GDNF: variants seen among roughly 807,000 people sequenced by gnomAD.
GDNF encodes the protein glial cell derived neurotrophic factor.
In GDNF, 5 loss-of-function variants were observed where a neutral mutation model predicts 13.7. The ratio of observed to expected loss-of-function variants is 0.36; its 90% CI spans 0.19 to 0.77. The LOEUF (loss-of-function observed/expected upper bound fraction) is 0.77. Among genes scored for constraint, GDNF ranks in the 30% least tolerant of loss-of-function variants. The pLI, the probability that GDNF is intolerant of heterozygous loss-of-function variation, is 0.51. For synonymous variants in GDNF, 122 were observed against 112.5 expected, an observed-to-expected ratio of 1.08 and a Z score of -0.53; for missense variants, 246 against 274.3, an observed-to-expected ratio of 0.90 and a Z score of 0.73.
rs554019074 is a variant in GDNF, at chr5:37,837,464, G to T, written c.-27+2043C>A. 2.8e-4 allele frequency among the ~76,000 whole-genome samples: 43 copies of T among 152,078 alleles called. No individual in the cohort carries two copies. Among genetic ancestry groups the T allele is most frequent in the African/African-American group, 1.0e-3 (43 of 41,430 alleles). ...CAGGCCGTGGGCGCCGGCACCTGTGGGTCCCCAGGCCTGGGGAGGCAAGGA... is the reference window on the plus strand; with the variant it reads ...CAGGCCGTGGGCGCCGGCACCTGTGTGTCCCCAGGCCTGGGGAGGCAAGGA... On this transcript the variant is annotated intron_variant, in intron 1 of 2. Transcript: ENST00000326524. The surrounding 1 kb of genome is among the most constrained non-coding windows in gnomAD (Gnocchi z 6.5).
At chr5:37,823,485 A>G (rs1035236439) in intron 2 of GDNF, 1 of 152,210 alleles carries the variant, frequency 6.6e-6, no homozygotes, top group Non-Finnish European at 1.5e-5. Flanking sequence ...TTGTCTCCCA[A>G]AAAGGAAAAG....
chr5:37,821,946 C>G (rs999524348), intron 2 of GDNF, among the ~76,000 whole-genome samples: 1 of 152,198 alleles, frequency 6.6e-6, no homozygotes, highest in Non-Finnish European at 1.5e-5. Flanking sequence ...TGTCTTAAAA[C>G]AGTACAGGTT....
chr5:37,817,480 C>T (rs1749974837), intron 2 of GDNF, among the ~76,000 whole-genome samples: 2 of 152,090 alleles, frequency 1.3e-5, no homozygotes, highest in Non-Finnish European at 2.9e-5. Context: ...AGAAAGATTA[C>T]ATTATGTCTA....
Position 37,813,082 on chromosome 5 carries a change from G to T in GDNF, c.*2569C>A, listed in dbSNP as rs1749780725. On this transcript the variant is annotated 3_prime_UTR_variant, in exon 3 of 3. Transcript: ENST00000326524. ...TTCTCTGAATGGGACAGATGCCCCT[G>T]GGGCCACATCCAAATTGTGCTCCAC... The T allele has an allele frequency of 6.6e-6, 1 of 152,180 alleles. No individual in the cohort carries two copies. Among genetic ancestry groups the T allele is most frequent in the African/African-American group, 2.4e-5 (1 of 41,434 alleles). 9.4% of individuals were successfully genotyped at this position (152,180 alleles called of 1,614,324 possible).
chr5:37,834,555 G>T, intron 2 of GDNF, 91 bp downstream of exon 2: 1 of 1,183,588 alleles, frequency 8.4e-7, no homozygotes, highest in South Asian at 1.7e-5. Context: ...ACAGCCATCA[G>T]GCTGGCTTGG....
chr5:37,816,611 G>T (rs1342308524), intron 2 of GDNF, among the ~76,000 whole-genome samples: 1 of 152,174 alleles, frequency 6.6e-6, no homozygotes, highest in African/African-American at 2.4e-5. Context: ...AGGGACCAAG[G>T]AATCTGCATT....
At chr5:37,820,669 T>C (rs564841132) in intron 2 of GDNF, among the ~76,000 whole-genome samples, 51 of 152,322 alleles carry the variant, frequency 3.3e-4, no homozygotes, top group Middle Eastern at 3.4e-3. Context: ...GAGGAGGCTA[T>C]GCATGTGTAG....
At position 37,834,753 on chromosome 5, in the gene GDNF, T is replaced by A; in HGVS notation, c.44A>T (p.His15Leu). The A allele has an allele frequency of 6.2e-7, 1 of 1,612,478 alleles. No homozygotes were observed. The highest frequency in any genetic ancestry group is 8.5e-7 in the Non-Finnish European group (1 of 1,179,494). ...GGGCAGCGGGAAGGCGGACGCGGTG[T>A]GGAGCAGCACCAGGCAGACAGCCAC... ...DVVAVCLVLL[H>L]TASAFPLPAG... is the part of the protein sequence containing the mutation. Residue 15 changes from histidine (H) to leucine (L), a missense_variant, in exon 2 of 3, where the codon CAC becomes CTC. His to Leu is a moderately conservative substitution (Grantham distance 99). Transcript: ENST00000326524.
chr5:37,835,354 G>T, intron 1 of GDNF: 2 of 935,348 alleles, frequency 2.1e-6, no homozygotes, highest in Non-Finnish European at 1.5e-6. Flanking sequence ...TCCCAACCGG[G>T]CTTCTGGCTA....
At chr5:37,835,734 T>A in intron 1 of GDNF, 1 of 1,283,366 alleles carries the variant, frequency 7.8e-7, no homozygotes, top group Non-Finnish European at 1.1e-6. Context: ...CTTTGAGAGA[T>A]TCTGGCCCTA....
In GDNF at chr5:37,815,884, C is replaced by G; in HGVS notation, c.403G>C (p.Glu135Gln). ...CTAAAAATCAGTTCCTCCTTGGTTT[C>G]ATAGCCCAGACCCAAGTCAGTGACA... ...LNVTDLGLGY[E>Q]TKEELIFRYC... Residue 135 changes from glutamate to glutamine, a missense_variant, in exon 3 of 3, where the codon GAA becomes CAA. Coordinates refer to ENST00000326524, the MANE Select transcript of GDNF (RefSeq NM_000514.4). This position sits in a 1 kb window ranked among gnomAD's most constrained non-coding sequence, Gnocchi z 5.0. The G allele has an allele frequency of 2.5e-6, 4 of 1,614,184 alleles. No individual in the cohort carries two copies. The highest frequency in any genetic ancestry group is 3.4e-6 in the Non-Finnish European group (4 of 1,180,038).
At chr5:37,825,917 G>T (rs1750298365) in intron 2 of GDNF, among the ~76,000 whole-genome samples, 1 of 152,212 alleles carries the variant, frequency 6.6e-6, no homozygotes, top group Non-Finnish European at 1.5e-5. Context: ...CCCAGTGAGT[G>T]AATTTACGGG....
chr5:37,830,957 C>A (rs1750504649), intron 2 of GDNF, among the ~76,000 whole-genome samples: 1 of 152,190 alleles, frequency 6.6e-6, no homozygotes, highest in Non-Finnish European at 1.5e-5. Flanking sequence ...ATGTGCCCCC[C>A]AGGGCAGAGA....
Position 37,815,507 on chromosome 5 carries a change from C to G in GDNF, c.*144G>C. The G allele has an allele frequency of 2.7e-6, 2 of 753,014 alleles. No homozygotes were observed. The highest frequency in any genetic ancestry group is 2.3e-6 in the Non-Finnish European group (1 of 434,592). 46.6% of individuals were successfully genotyped at this position (753,014 alleles called of 1,614,324 possible). A position where few individuals can be genotyped will look rare whatever the true frequency, so the allele number is the denominator to read the frequency against. On this transcript the variant is annotated 3_prime_UTR_variant, in exon 3 of 3. Coordinates refer to ENST00000326524, the MANE Select transcript of GDNF (RefSeq NM_000514.4). This position sits in a 1 kb window ranked among gnomAD's most constrained non-coding sequence, Gnocchi z 5.0. ...CTGCCTTCCTCCTCCTCCTCCTCCT[C>G]CTCCTCCTCCTCCTCTTCTTCTTCC...
intron 1 of GDNF, among the ~76,000 whole-genome samples, chr5:37,836,951 C>G (rs1051694060): frequency 4.6e-5 from 7 of 152,228 alleles, no homozygotes; most frequent in African/African-American, 1.7e-4. Context: ...AGGAGGCTCC[C>G]GGCTGCGGTT....
chr5:37,838,003 T>G lies in GDNF; in HGVS notation c.-27+1504A>C, dbSNP rs576155859. ...GTTTGCTATAAACTCGGTTTTTTTTTTTTTTTTTTTGGCGGGGGGAGGTAG... is the reference window on the plus strand; with the variant it reads ...GTTTGCTATAAACTCGGTTTTTTTTGTTTTTTTTTTGGCGGGGGGAGGTAG... On this transcript the variant is annotated intron_variant, in intron 1 of 2. Coordinates refer to ENST00000326524, the MANE Select transcript of GDNF (RefSeq NM_000514.4). This position sits in a 1 kb window ranked among gnomAD's most constrained non-coding sequence, Gnocchi z 4.1. Among the ~76,000 whole-genome samples, 2 of 151,506 alleles carry G rather than the reference T, an allele frequency of 1.3e-5. No homozygotes were observed. The highest frequency in any genetic ancestry group is 2.4e-5 in the African/African-American group (1 of 41,384).
At chr5:37,830,067 T>C (rs959637074) in intron 2 of GDNF, among the ~76,000 whole-genome samples, 2 of 152,228 alleles carry the variant, frequency 1.3e-5, no homozygotes, top group African/African-American at 2.4e-5. Flanking sequence ...CTGTATTTCA[T>C]AACATTAGAT....
chr5:37,818,202 G>C (rs938851134), intron 2 of GDNF, among the ~76,000 whole-genome samples: 1 of 152,198 alleles, frequency 6.6e-6, no homozygotes, highest in South Asian at 2.1e-4. Flanking sequence ...ATCCAGGAGA[G>C]GCCTGATATG....
rs1342255623 is a variant in GDNF at position 37,814,758 on chromosome 5, G to A, written c.*893C>T. 2 of 152,130 alleles carry A rather than the reference G, an allele frequency of 1.3e-5. No individual in the cohort carries two copies. The highest frequency in any genetic ancestry group is 3.9e-4 in the East Asian group (2 of 5,192). The allele number at this position is 152,130 out of a possible 1,614,324, so 9.4% of individuals were successfully genotyped here. A position where few individuals can be genotyped will look rare whatever the true frequency, so the allele number is the denominator to read the frequency against. ...ATGCATTGCATCGAGTAGCTTCTCT[G>A]GTCACTGGTGACCACGCATCAACGG... On this transcript the variant is annotated 3_prime_UTR_variant, in exon 3 of 3. Transcript: ENST00000326524.
Sources: allele counts gnomAD v4.1 joint callset (sites outside exome capture counted in the v4.1 genomes callset), GRCh38; gene constraint gnomAD v4.1.1; non-coding constraint Gnocchi (gnomAD v3.1); transcripts MANE v1.5; gene names NCBI Gene and HGNC (gene_info 2026-07-23, HGNC 2026-07-21).